GAREM1: variants seen among roughly 807,000 people sequenced by gnomAD.
The protein encoded by GAREM1 is GRB2-associated and regulator of MAPK protein 1.
A neutral mutation model predicts 71.3 loss-of-function variants in GAREM1; 26 were observed. That is an observed-to-expected ratio of 0.36 (90% confidence interval 0.27 to 0.51). The LOEUF is 0.51. Among genes scored for constraint, GAREM1 ranks in the 20% least tolerant of loss-of-function variants. The pLI, the probability that GAREM1 is intolerant of heterozygous loss-of-function variation, is 0.95. For synonymous variants in GAREM1, 440 were observed against 433.2 expected (o/e 1.02, Z -0.20); for missense variants, 1,026 against 1,103.1 (o/e 0.93, Z 0.99).
intron 1 of GAREM1, among the ~76,000 whole-genome samples, chr18:32,464,082 G>A (rs1599067646): frequency 6.8e-6 from 1 of 146,486 alleles, no homozygotes; most frequent in Non-Finnish European, 1.5e-5. Context: ...TTTGAGGTCA[G>A]GAGTTCAAGA....
chr18:32,394,812 T>C (rs1484754955), intron 1 of GAREM1, among the ~76,000 whole-genome samples: 1 of 152,230 alleles, frequency 6.6e-6, no homozygotes, highest in Non-Finnish European at 1.5e-5. Flanking sequence ...CCCATAGACC[T>C]GGTCTCAAGC....
At chr18:32,368,775 T>C (rs750996070) in intron 2 of GAREM1, among the ~76,000 whole-genome samples, 1 of 152,322 alleles carries the variant, frequency 6.6e-6, no homozygotes, top group East Asian at 1.9e-4. Flanking sequence ...ACACGCAACA[T>C]GAATGTGGCT....
At chr18:32,438,301 T>A (rs1599047979) in intron 1 of GAREM1, among the ~76,000 whole-genome samples, 1 of 152,248 alleles carries the variant, frequency 6.6e-6, no homozygotes, top group African/African-American at 2.4e-5. Flanking sequence ...GCCCTGTGAA[T>A]TGATGGCTTC....
At chr18:32,328,887 C>T (rs1338748324) in intron 2 of GAREM1, among the ~76,000 whole-genome samples, 1 of 152,114 alleles carries the variant, frequency 6.6e-6, no homozygotes, top group African/African-American at 2.4e-5. Context: ...AAGATATTTG[C>T]AAAGCCTAAA....
intron 2 of GAREM1, among the ~76,000 whole-genome samples, chr18:32,337,862 C>G (rs559513328): frequency 6.6e-6 from 1 of 152,238 alleles, no homozygotes; most frequent in Non-Finnish European, 1.5e-5. Context: ...GTAACTTGGA[C>G]AGCATTTCTA....
At chr18:32,383,508 G>T (rs947693345) in intron 2 of GAREM1, among the ~76,000 whole-genome samples, 2 of 152,072 alleles carry the variant, frequency 1.3e-5, no homozygotes, top group Non-Finnish European at 2.9e-5. Flanking sequence ...TCCTAAAAAA[G>T]AACCTTTTAA....
intron 1 of GAREM1, among the ~76,000 whole-genome samples, chr18:32,405,659 A>G (rs899563071): frequency 1.3e-5 from 2 of 152,224 alleles, no homozygotes; most frequent in African/African-American, 4.8e-5. Flanking sequence ...ATGTATGAAC[A>G]GAAATGACAT....
chr18:32,278,311 C>T (rs1436550249), intron 4 of GAREM1, among the ~76,000 whole-genome samples: 1 of 152,180 alleles, frequency 6.6e-6, no homozygotes, highest in Non-Finnish European at 1.5e-5. Context: ...TCAACTGTCA[C>T]ATGCCTGGCA....
intron 1 of GAREM1, chr18:32,412,758 C>T (rs1281131056): frequency 8.3e-6 from 11 of 1,325,592 alleles, no homozygotes; most frequent in South Asian, 4.7e-5. Flanking sequence ...GCCACTGCCT[C>T]GGTCAGTCAT....
chr18:32,413,259 A>G lies in GAREM1; in HGVS notation c.122-20224T>C, dbSNP rs181914060. ...AAGGCCAGAAAAATATTTCAACTAC[A>G]TATTTGACAGTTTGGGGGAGTCACT... On this transcript the variant is annotated intron_variant, in intron 1 of 5. Coordinates refer to ENST00000269209, the MANE Select transcript of GAREM1 (RefSeq NM_001242409.2). The G allele has an allele frequency of 3.0e-4, 463 of 1,545,414 alleles. 2 individuals carry two copies. The African/African-American group carries it at 4.0e-3, about 13-fold the overall frequency.
At chr18:32,278,571 G>A (rs1413343338) in intron 4 of GAREM1, among the ~76,000 whole-genome samples, 2 of 152,182 alleles carry the variant, frequency 1.3e-5, no homozygotes, top group Non-Finnish European at 1.5e-5. Flanking sequence ...AAGGAGTTTT[G>A]TAACCATGCT....
At chr18:32,277,829 G>T (rs1427541468) in intron 4 of GAREM1, among the ~76,000 whole-genome samples, 1 of 152,208 alleles carries the variant, frequency 6.6e-6, no homozygotes, top group Non-Finnish European at 1.5e-5. Flanking sequence ...ACAGTAGGAA[G>T]CTCATCATTG....
At chr18:32,366,522 T>C (rs569005902) in intron 2 of GAREM1, among the ~76,000 whole-genome samples, 2 of 152,338 alleles carry the variant, frequency 1.3e-5, no homozygotes, top group South Asian at 4.1e-4. Flanking sequence ...AGGGAACCTG[T>C]ATATAATAGA....
intron 4 of GAREM1, among the ~76,000 whole-genome samples, chr18:32,272,188 C>T (rs369803366): frequency 7.2e-5 from 11 of 152,306 alleles, no homozygotes; most frequent in Non-Finnish European, 1.2e-4. Context: ...ACACCACACC[C>T]GGGACCTCTA....
chr18:32,392,849 T>C (rs775217648), intron 2 of GAREM1, 46 bp downstream of exon 2: 1 of 1,589,046 alleles, frequency 6.3e-7, no homozygotes, highest in South Asian at 1.1e-5. Flanking sequence ...GCTATTCACA[T>C]CCCCTTTCTC....
At chr18:32,352,686 CCAGATTAAGAAGATCACAGCTGGGAA>C (rs2047763692) in intron 2 of GAREM1, among the ~76,000 whole-genome samples, 1 of 152,110 alleles carries the variant, frequency 6.6e-6, no homozygotes, top group Non-Finnish European at 1.5e-5. Context: ...TTCCTCAGGA[CCAGATTAAGAAGATCACAGCTGGGAA>C]CACCTGTGAT....
chr18:32,412,607 T>G (rs2048431380), intron 1 of GAREM1: 1 of 1,442,508 alleles, frequency 6.9e-7, no homozygotes, highest in Non-Finnish European at 9.6e-7. Context: ...TTTGGCTGGA[T>G]GAAGCACTAG....
intron 1 of GAREM1, among the ~76,000 whole-genome samples, chr18:32,404,563 G>C (rs2048348164): frequency 6.6e-6 from 1 of 151,912 alleles, no homozygotes; most frequent in African/African-American, 2.4e-5. Context: ...TTTCACATTT[G>C]TGTTTCTTTA....
At chr18:32,406,690 G>A (rs186133016) in intron 1 of GAREM1, among the ~76,000 whole-genome samples, 6 of 152,316 alleles carry the variant, frequency 3.9e-5, no homozygotes, top group Non-Finnish European at 7.3e-5. Flanking sequence ...AAAGTGATCA[G>A]GAAGGATGTG....
Sources: gnomAD v4.1 joint callset for allele counts (sites outside exome capture counted in the v4.1 genomes callset) on GRCh38, gnomAD v4.1.1 for gene constraint, MANE v1.5 for transcripts, NCBI Gene and HGNC (gene_info 2026-07-23, HGNC 2026-07-21) for gene names.